Variants in KCNT2 observed in about 807,000 individuals in gnomAD.
KCNT2 encodes the protein potassium sodium-activated channel subfamily T member 2, also known as potassium channel subfamily T member 2.
KCNT2 carries 67 observed loss-of-function variants against 153.8 expected under a neutral mutation model. The observed-to-expected ratio is 0.44, with a 90% confidence interval of 0.36 to 0.53. KCNT2 has a LOEUF of 0.53. KCNT2 is among the 20% of genes least tolerant of loss of function. KCNT2 has a pLI of 0.00. For missense variants in KCNT2, 975 were observed against 1,354.8 expected, an observed-to-expected ratio of 0.72 and a Z score of 4.40; for synonymous variants, 500 against 458.8, an observed-to-expected ratio of 1.09 and a Z score of -1.15.
chr1:196,569,005 C>T (rs1283344048), intron 1 of KCNT2, among the ~76,000 whole-genome samples: 3 of 152,088 alleles, frequency 2.0e-5, no homozygotes, highest in Admixed American at 1.3e-4. Context: ...AGGAGTCACT[C>T]ATCATTGCTG....
intron 8 of KCNT2, among the ~76,000 whole-genome samples, chr1:196,449,813 G>GTGCCTTT (rs2148614941): frequency 6.6e-6 from 1 of 151,336 alleles, no homozygotes; most frequent in East Asian, 2.0e-4. Context: ...CACTAATAAA[G>GTGCCTTT]AAAAAAGAAT....
intron 12 of KCNT2, among the ~76,000 whole-genome samples, chr1:196,419,212 C>T (rs1250088151): frequency 6.7e-6 from 1 of 149,594 alleles, no homozygotes; most frequent in Non-Finnish European, 1.5e-5. Context: ...TTTTAGGGTA[C>T]ATGTGCACAA....
intron 26 of KCNT2, among the ~76,000 whole-genome samples, chr1:196,238,480 A>C (rs751579112): frequency 2.0e-5 from 3 of 151,960 alleles, no homozygotes; most frequent in Non-Finnish European, 4.4e-5. Context: ...ATCAGAAATA[A>C]TCTCTCTTGG....
chr1:196,569,805 G>A lies in KCNT2; in HGVS notation c.95+38410C>T, dbSNP rs910345170. The stretch of plus-strand genomic sequence containing the variant: ...ACCTAAGCAACTGGGGTTTATGTTC[G>A]CCCAAATTGGCCAGATTGGAAAGAA... On this transcript the variant is annotated intron_variant, in intron 1 of 27. Transcript: ENST00000294725. Among the ~76,000 whole-genome samples the A allele has an allele frequency of 2.6e-5, 4 of 152,074 alleles. No homozygotes were observed. In the East Asian group the frequency reaches 5.8e-4, roughly 22 times the overall value.
intron 13 of KCNT2, among the ~76,000 whole-genome samples, chr1:196,393,550 C>CATTCAAGGTTTTTCAA (rs1414513141): frequency 1.3e-5 from 2 of 151,340 alleles, no homozygotes; most frequent in Non-Finnish European, 1.5e-5. Flanking sequence ...AGAAGTTATC[C>CATTCAAGGTTTTTCAA]TCCTAGTAAA....
chr1:196,265,485 G>A lies in KCNT2; in HGVS notation c.2911-6991C>T, dbSNP rs1260689007. Among the ~76,000 whole-genome samples, 6 of 152,216 alleles carry A rather than the reference G, an allele frequency of 3.9e-5. No individual in the cohort carries two copies. In the South Asian group the frequency reaches 8.3e-4, roughly 21 times the overall value. On this transcript the variant is annotated intron_variant, in intron 25 of 27. Coordinates refer to ENST00000294725, the MANE Select transcript of KCNT2 (RefSeq NM_198503.5). ...TGTCTAATATTGAATCAAGTGGTTG[G>A]TATCCAGTAAGAAATGTGGCTGACA...
intron 9 of KCNT2, among the ~76,000 whole-genome samples, chr1:196,428,638 C>T (rs2148539254): frequency 6.6e-6 from 1 of 152,172 alleles, no homozygotes; most frequent in Admixed American, 6.6e-5. Context: ...ATAGGAGTTA[C>T]TCTTACCATA....
chr1:196,423,900 A>T (rs1673425614), intron 11 of KCNT2, among the ~76,000 whole-genome samples: 2 of 151,900 alleles, frequency 1.3e-5, no homozygotes, highest in African/African-American at 4.8e-5. Flanking sequence ...AAACTCATGT[A>T]ACTAACCTAT....
chr1:196,349,258 C>T (rs1054577588), intron 14 of KCNT2, among the ~76,000 whole-genome samples: 2 of 152,126 alleles, frequency 1.3e-5, no homozygotes, highest in African/African-American at 4.8e-5. Context: ...TTGTAGCCTT[C>T]AGCCATACAA....
At chr1:196,543,459 T>A (rs1261021923) in intron 1 of KCNT2, among the ~76,000 whole-genome samples, 1 of 152,100 alleles carries the variant, frequency 6.6e-6, no homozygotes. Context: ...ACTTCCATCT[T>A]ATTACTCTCA....
chr1:196,555,566 G>A (rs1658529980), intron 1 of KCNT2, among the ~76,000 whole-genome samples: 1 of 151,346 alleles, frequency 6.6e-6, no homozygotes, highest in Non-Finnish European at 1.5e-5. Flanking sequence ...TTGTTAAAAT[G>A]TCCATACGAC....
intron 8 of KCNT2, among the ~76,000 whole-genome samples, chr1:196,459,832 T>C (rs966106467): frequency 6.6e-5 from 10 of 151,812 alleles, no homozygotes; most frequent in Non-Finnish European, 1.5e-4. Flanking sequence ...AATCAAACTC[T>C]GTCAAGTAAA....
At chr1:196,563,771 T>C (rs1572842471) in intron 1 of KCNT2, among the ~76,000 whole-genome samples, 1 of 152,018 alleles carries the variant, frequency 6.6e-6, no homozygotes, top group South Asian at 2.1e-4. Context: ...AATCATATGA[T>C]TACCTCAATA....
At position 196,410,076 on chromosome 1, in the gene KCNT2, G is replaced by C. The variant is rs74797904; in HGVS notation, c.1186-11405C>G. On this transcript the variant is annotated intron_variant, in intron 12 of 27. Coordinates refer to ENST00000294725, the MANE Select transcript of KCNT2 (RefSeq NM_198503.5). ...GATCATCTGTTCAAACGTGATACTTGTTGGCCACTTGTATGTCTTCTTTGG... is the reference window on the plus strand; with the variant it reads ...GATCATCTGTTCAAACGTGATACTTCTTGGCCACTTGTATGTCTTCTTTGG... Among the ~76,000 whole-genome samples the C allele has an allele frequency of 9.1e-4, 138 of 151,692 alleles. No individual in the cohort carries two copies. The East Asian group carries it at 0.024, about 26-fold the overall frequency.
At chr1:196,518,450 T>A in intron 1 of KCNT2, among the ~76,000 whole-genome samples, 1 of 144,656 alleles carries the variant, frequency 6.9e-6, no homozygotes, top group Non-Finnish European at 1.5e-5. Context: ...TCTCACCATT[T>A]AAAAAGTACA....
intron 21 of KCNT2, among the ~76,000 whole-genome samples, chr1:196,310,006 T>C (rs1662010165): frequency 6.6e-6 from 1 of 151,898 alleles, no homozygotes; most frequent in Non-Finnish European, 1.5e-5. Context: ...TGCATTAATT[T>C]ATTCAATAAA....
chr1:196,343,728 G>C (rs140086135), intron 14 of KCNT2, among the ~76,000 whole-genome samples: 2 of 152,028 alleles, frequency 1.3e-5, no homozygotes, highest in African/African-American at 4.8e-5. Context: ...TGTCTAATCT[G>C]AGTCCCAACT....
At chr1:196,557,738 A>T (rs1053919792) in intron 1 of KCNT2, among the ~76,000 whole-genome samples, 34 of 151,278 alleles carry the variant, frequency 2.2e-4, no homozygotes, top group African/African-American at 6.3e-4. Context: ...AGGGTAAATT[A>T]AAAAAAACTT....
intron 23 of KCNT2, among the ~76,000 whole-genome samples, chr1:196,284,849 G>A (rs1426936319): frequency 6.6e-6 from 1 of 152,134 alleles, no homozygotes; most frequent in African/African-American, 2.4e-5. Flanking sequence ...CTTTGGATTA[G>A]TTTGTTCAGT....
Sources: allele counts gnomAD v4.1 joint callset (sites outside exome capture counted in the v4.1 genomes callset), GRCh38; gene constraint gnomAD v4.1.1; transcripts MANE v1.5; gene names NCBI Gene and HGNC (gene_info 2026-07-23, HGNC 2026-07-21).